Variants in SHOX observed in about 807,000 individuals in gnomAD.
SHOX encodes the protein SHOX homeobox, also known as short stature homeobox protein.
In SHOX, 12 loss-of-function variants were observed where a neutral mutation model predicts 29.6. That is an observed-to-expected ratio of 0.41 (90% confidence interval 0.26 to 0.66). SHOX has a LOEUF of 0.66. Among genes scored for constraint, SHOX ranks in the 30% least tolerant of loss-of-function variants. SHOX has a pLI of 0.35. For synonymous variants in SHOX, 214 were observed against 200.6 expected (o/e 1.07, Z -0.57); for missense variants, 499 against 437.7 (o/e 1.14, Z -1.25).
chrX:658,664 G>T (rs980825308), intron 5 of SHOX: 13 of 191,384 alleles, frequency 6.8e-5, no homozygotes, highest in African/African-American at 2.6e-4. Flanking sequence ...TAGAGACGGG[G>T]TTTCACCGTG....
In SHOX at chrX:644,530, C is replaced by A; in HGVS notation, c.773C>A (p.Ser258Ter). The change falls in exon 5 of 5, where the codon TCG becomes TAG. Residue 258 changes from serine to a stop codon, truncating the protein, a stop_gained. Coordinates refer to ENST00000686671, the MANE Select transcript of SHOX (RefSeq NM_000451.4). LOFTEE classifies it high-confidence loss of function. ...ATCGCGTCGCTGGCCGAGTCCGCCT[C>A]GGCCGCCGCCGTGGTCGCCGCCGCC... ...LPIASLAESA[S>*]AAAVVAAAAK... 6.6e-7 allele frequency: 1 copy of A among 1,517,588 alleles called. No homozygotes were observed. The allele number at this position is 1,517,588 out of a possible 1,614,324, so 94.0% of individuals were successfully genotyped here.
In SHOX at chrX:636,408, CATAT is replaced by C. The variant is rs757033133; in HGVS notation, c.486+1588_486+1591del. Among the ~76,000 whole-genome samples, 510 of 130,884 alleles carry C rather than the reference CATAT, an allele frequency of 3.9e-3. 5 individuals are homozygous for C. The highest frequency in any genetic ancestry group is 0.014 in the African/African-American group (484 of 34,260). The allele number at this position is 130,884 out of a possible 152,430, so 85.9% of individuals were successfully genotyped here. ...GTATATATATAAATATATATAAAAA[CATAT>C]ATATACATATAAAAATATATATAAA... On this transcript the variant is annotated intron_variant, in intron 2 of 4. Coordinates refer to ENST00000686671, the MANE Select transcript of SHOX (RefSeq NM_000451.4).
In SHOX at chrX:631,189, GC is replaced by G; in HGVS notation, c.277+16del. ...AGTGGCAGAAGGTAAGTTCCTTTGCGCTCCGGCTCCAGGGGGGCCCTCCTGG... is the reference window on the plus strand; with the variant it reads ...AGTGGCAGAAGGTAAGTTCCTTTGCGTCCGGCTCCAGGGGGGCCCTCCTGG... On this transcript the variant is annotated intron_variant, in intron 1 of 4. Coordinates refer to ENST00000686671, the MANE Select transcript of SHOX (RefSeq NM_000451.4). The G allele has an allele frequency of 6.2e-7, 1 of 1,612,266 alleles. No individual in the cohort carries two copies. Among genetic ancestry groups the G allele is most frequent in the East Asian group, 2.2e-5 (1 of 44,838 alleles).
chrX:628,413 G>C (rs111163176), upstream of SHOX, among the ~76,000 whole-genome samples: 613 of 33,174 alleles, frequency 0.018, no homozygotes, highest in Middle Eastern at 0.022. Flanking sequence ...CTCTCTCTCT[G>C]TCTCTCCCTC....
At chrX:632,376 A>T (rs1363395876) in intron 1 of SHOX, among the ~76,000 whole-genome samples, 1 of 152,220 alleles carries the variant, frequency 6.6e-6, no homozygotes, top group Non-Finnish European at 1.5e-5. Context: ...GGCGGCATAC[A>T]TCTTAAGAAT....
At chrX:634,470 C>G (rs2052705589) in intron 1 of SHOX, 148 bp from the exon 2 acceptor site, 3 of 807,126 alleles carry the variant, frequency 3.7e-6, no homozygotes, top group Admixed American at 4.1e-5. Flanking sequence ...TCCTCCTCGG[C>G]TTTTGCCTTA....
downstream of SHOX, among the ~76,000 whole-genome samples, chrX:656,372 G>A (rs150179271): frequency 0.014 from 1,978 of 142,176 alleles, 88 homozygotes; most frequent in South Asian, 0.034. Context: ...CCAGGAGTTC[G>A]AGACCAACCT....
At chrX:655,600 CTCTCTCTCTCTCTCTATATATA>C (rs1319131539), downstream of SHOX, among the ~76,000 whole-genome samples, 112 of 54,132 alleles carry the variant, frequency 2.1e-3, no homozygotes, top group African/African-American at 5.3e-3. Context: ...CTCTCTCTCT[CTCTCTCTCTCTCTCTATATATA>C]TATATATATA....
Position 650,497 on chromosome X carries a change from C to A in SHOX, c.*5861C>A, listed in dbSNP as rs938585807. On this transcript the variant is annotated 3_prime_UTR_variant, in exon 5 of 5. Coordinates refer to ENST00000686671, the MANE Select transcript of SHOX (RefSeq NM_000451.4). ...GCGTTTAACCGAAATGAAGCCGAGACGGGTTTCAGGTTTTGGTGCCAAGCT... is the reference window on the plus strand; with the variant it reads ...GCGTTTAACCGAAATGAAGCCGAGAAGGGTTTCAGGTTTTGGTGCCAAGCT... Among the ~76,000 whole-genome samples, 1 of 152,042 alleles carries A rather than the reference C, an allele frequency of 6.6e-6. No homozygotes were observed. Among genetic ancestry groups the A allele is most frequent in the African/African-American group, 2.4e-5 (1 of 41,392 alleles).
At chrX:630,735 A>AT, upstream of SHOX, 1 of 864,344 alleles carries the variant, frequency 1.2e-6, no homozygotes, top group South Asian at 1.6e-5. Context: ...CAGGCAGCGC[A>AT]TGGGGGGCTG....
At chrX:655,614 C>CTATATATATATA (rs1173014302), downstream of SHOX, among the ~76,000 whole-genome samples, 5 of 35,080 alleles carry the variant, frequency 1.4e-4, no homozygotes, top group East Asian at 9.1e-4. Context: ...CTCTCTCTCT[C>CTATATATATATA]TATATATATA....
Position 644,810 on chromosome X carries a change from C to G in SHOX, c.*174C>G, listed in dbSNP as rs1172682005. On this transcript the variant is annotated 3_prime_UTR_variant, in exon 5 of 5. Coordinates refer to ENST00000686671, the MANE Select transcript of SHOX (RefSeq NM_000451.4). ...GGAGGCTCCCGGGACCGTCCACGCA[C>G]GACCCAGCCAGACCCTCGCGGAGAT... 2.3e-6 allele frequency: 2 copies of G among 856,548 alleles called. No individual in the cohort carries two copies. The highest frequency in any genetic ancestry group is 3.6e-5 in the African/African-American group (2 of 55,490). The allele number at this position is 856,548 out of a possible 1,614,324, so 53.1% of individuals were successfully genotyped here. A position where few individuals can be genotyped will look rare whatever the true frequency, so the allele number is the denominator to read the frequency against.
chrX:653,899 C>T (rs921132377), downstream of SHOX, among the ~76,000 whole-genome samples: 1 of 150,190 alleles, frequency 6.7e-6, no homozygotes, highest in African/African-American at 2.5e-5. Context: ...TTTCTAAAGC[C>T]TTTGTTCTTG....
chrX:657,444 G>A (rs1425085684), intron 5 of SHOX, among the ~76,000 whole-genome samples: 2 of 152,132 alleles, frequency 1.3e-5, no homozygotes, highest in East Asian at 3.9e-4. Context: ...GGGAGTGGAT[G>A]TTATGGTGAG....
At chrX:633,234 C>G (rs999753860) in intron 1 of SHOX, among the ~76,000 whole-genome samples, 2 of 152,128 alleles carry the variant, frequency 1.3e-5, no homozygotes, top group African/African-American at 4.8e-5. Flanking sequence ...CCCGCCGAGC[C>G]TGGGAGCCCG....
chrX:630,871 G>C lies in SHOX; in HGVS notation c.-27G>C, dbSNP rs1279088251. The stretch of plus-strand genomic sequence containing the variant: ...GGAGACGCGCGCATCCACCAGCCCC[G>C]GCTGCTCGCCAGCCCCGGCCCCAGC... On this transcript the variant is annotated 5_prime_UTR_variant, in exon 1 of 5. Coordinates refer to ENST00000686671, the MANE Select transcript of SHOX (RefSeq NM_000451.4). 3.1e-6 allele frequency: 5 copies of C among 1,612,154 alleles called. No homozygotes were observed. Among genetic ancestry groups the C allele is most frequent in the Non-Finnish European group, 4.2e-6 (5 of 1,179,696 alleles).
At chrX:631,877 G>A (rs1197551272) in intron 1 of SHOX, 3 of 455,904 alleles carry the variant, frequency 6.6e-6, no homozygotes, top group Admixed American at 4.7e-5. Flanking sequence ...CTGCCTGTCT[G>A]CCTTGTATTT....
At chrX:631,241 T>A in intron 1 of SHOX, 67 bp downstream of exon 1, 1 of 1,574,294 alleles carries the variant, frequency 6.4e-7, no homozygotes, top group Non-Finnish European at 8.7e-7. Flanking sequence ...CGCCACGGAG[T>A]CGGCCCCGCG....
chrX:639,081 T>C lies in SHOX; in HGVS notation c.487-1740T>C, dbSNP rs139047526. Among the ~76,000 whole-genome samples, 956 of 152,170 alleles carry C rather than the reference T, an allele frequency of 6.3e-3. 15 individuals carry two copies. The highest frequency in any genetic ancestry group is 0.022 in the African/African-American group (918 of 41,524). ...TGTCTGTGGAGGAGGGGATTGTCAA[T>C]ACTGGGAGAGCAGAGGAGGCTCGTA... On this transcript the variant is annotated intron_variant, in intron 2 of 4. Transcript: ENST00000686671.
Sources: gnomAD v4.1 joint callset for allele counts (sites outside exome capture counted in the v4.1 genomes callset) on GRCh38, gnomAD v4.1.1 for gene constraint, MANE v1.5 for transcripts, NCBI Gene and HGNC (gene_info 2026-07-23, HGNC 2026-07-21) for gene names.